Variants in CASK observed in about 807,000 individuals in gnomAD.
CASK encodes peripheral plasma membrane protein CASK.
A neutral mutation model predicts 82.9 loss-of-function variants in CASK; 4 were observed. The ratio of observed to expected loss-of-function variants is 0.05; its 90% CI spans 0.02 to 0.11. The LOEUF is 0.11. CASK is among the 10% of genes least tolerant of loss of function. The pLI is 1.00. For synonymous variants in CASK, 259 were observed against 253.5 expected (o/e 1.02, Z -0.20); for missense variants, 358 against 720.9 (o/e 0.50, Z 5.76).
At chrX:41,776,926 G>A (rs2069375290) in intron 3 of CASK, among the ~76,000 whole-genome samples, 1 of 111,737 alleles carries the variant, frequency 8.9e-6, no homozygotes, top group Admixed American at 9.6e-5. Context: ...TTGTTTTGGT[G>A]GAAATTGACA....
At chrX:41,569,986 C>T (rs1047245138) in intron 15 of CASK, among the ~76,000 whole-genome samples, 4 of 101,349 alleles carry the variant, frequency 3.9e-5, no homozygotes, top group African/African-American at 1.4e-4. Flanking sequence ...TTTTAACACA[C>T]TATTTTCTTT....
At chrX:41,766,046 T>A (rs1302695259) in intron 3 of CASK, among the ~76,000 whole-genome samples, 1 of 112,241 alleles carries the variant, frequency 8.9e-6, no homozygotes, top group Non-Finnish European at 1.9e-5. Context: ...CTATATTTCT[T>A]ATAGCTGTAT....
intron 1 of CASK, among the ~76,000 whole-genome samples, chrX:41,914,615 G>T (rs1465225266): frequency 8.9e-6 from 1 of 112,181 alleles, no homozygotes; most frequent in Non-Finnish European, 1.9e-5. Flanking sequence ...ATAGTAGAAA[G>T]ATATAAGACA....
intron 6 of CASK, among the ~76,000 whole-genome samples, chrX:41,668,747 CTT>C (rs1044375070): frequency 9.5e-6 from 1 of 104,857 alleles, no homozygotes; most frequent in Non-Finnish European, 2.0e-5. Context: ...GAATTTCTTT[CTT>C]TTTTTTTTTG....
chrX:41,527,095 T>C (rs1388333816), intron 25 of CASK, among the ~76,000 whole-genome samples: 1 of 111,271 alleles, frequency 9.0e-6, no homozygotes, highest in African/African-American at 3.3e-5. Context: ...CTCTAAACCC[T>C]CTTCCTTTCT....
intron 2 of CASK, among the ~76,000 whole-genome samples, chrX:41,831,341 A>C (rs1277884639): frequency 3.6e-5 from 4 of 112,044 alleles, no homozygotes; most frequent in African/African-American, 1.3e-4. Flanking sequence ...ATCAATCCAA[A>C]AGTTATTTAA....
intron 1 of CASK, among the ~76,000 whole-genome samples, chrX:41,868,047 C>T (rs1317242031): frequency 1.8e-5 from 2 of 111,943 alleles, no homozygotes; most frequent in African/African-American, 6.5e-5. Flanking sequence ...ACAAAGAAAA[C>T]TTCATGGTTC....
chrX:41,859,455 C>A (rs978932518), intron 1 of CASK, among the ~76,000 whole-genome samples: 1 of 111,954 alleles, frequency 8.9e-6, no homozygotes, highest in Non-Finnish European at 1.9e-5. Flanking sequence ...ATTTGAATCA[C>A]CCAATGTGCA....
At chrX:41,649,328 C>T (rs1056946088) in intron 8 of CASK, among the ~76,000 whole-genome samples, 3 of 111,243 alleles carry the variant, frequency 2.7e-5, no homozygotes, top group Non-Finnish European at 5.7e-5. Context: ...TTCTCTAGTT[C>T]TCTTTCAATT....
intron 15 of CASK, among the ~76,000 whole-genome samples, chrX:41,575,005 A>G (rs776908358): frequency 4.4e-5 from 5 of 112,438 alleles, no homozygotes; most frequent in Middle Eastern, 4.6e-3. Context: ...TTCATTTCCA[A>G]CTTGTACATT....
At chrX:41,900,575 C>T (rs1156255990) in intron 1 of CASK, among the ~76,000 whole-genome samples, 1 of 100,904 alleles carries the variant, frequency 9.9e-6, no homozygotes, top group African/African-American at 3.6e-5. Context: ...CTGTGTTCTT[C>T]AGCTCTAGAA....
In CASK at chrX:41,542,696, T is replaced by C. The variant is rs1477960937; in HGVS notation, c.2150A>G (p.Asn717Ser). 5.9e-6 allele frequency: 7 copies of C among 1,183,665 alleles called. No individual in the cohort carries two copies. The highest frequency in any genetic ancestry group is 6.9e-6 in the Non-Finnish European group (6 of 869,925). The change falls in exon 22 of 27, where the codon AAT becomes AGT. Residue 717 changes from asparagine (N) to serine (S), a missense_variant. Physicochemically the swap from Asn to Ser is conservative, Grantham distance 46. Transcript: ENST00000378163. ...QYKDKYLAKHNAVFDQLDLVT... is the reference protein window; with the variant it reads ...QYKDKYLAKHSAVFDQLDLVT... ...ACAGTTGTGCTTTTCCCTACCTGCA[T>C]TGTGCTTTGCCAAATATTTATCTTT...
chrX:41,670,259 C>A (rs888150794), intron 6 of CASK, among the ~76,000 whole-genome samples: 2 of 111,996 alleles, frequency 1.8e-5, no homozygotes, highest in Non-Finnish European at 3.8e-5. Context: ...TACTACCTGA[C>A]CCTTTGGTCA....
chrX:41,852,372 C>T (rs1365199555), intron 2 of CASK, among the ~76,000 whole-genome samples: 1 of 111,018 alleles, frequency 9.0e-6, no homozygotes, highest in Non-Finnish European at 1.9e-5. Flanking sequence ...AAGAAGGATT[C>T]ATATTTTACT....
At chrX:41,881,475 T>C (rs757473794) in intron 1 of CASK, among the ~76,000 whole-genome samples, 2 of 110,980 alleles carry the variant, frequency 1.8e-5, no homozygotes, top group South Asian at 7.6e-4. Flanking sequence ...AACCTGTCTC[T>C]CCCTCTCTAA....
At chrX:41,636,388 C>T (rs979542383) in intron 9 of CASK, among the ~76,000 whole-genome samples, 190 bp downstream of exon 9, 1 of 111,872 alleles carries the variant, frequency 8.9e-6, no homozygotes, top group Non-Finnish European at 1.9e-5. Context: ...CAGACTCATA[C>T]TGATATACTA....
At chrX:41,854,880 T>A (rs1465451097) in intron 1 of CASK, among the ~76,000 whole-genome samples, 1 of 112,286 alleles carries the variant, frequency 8.9e-6, no homozygotes, top group Non-Finnish European at 1.9e-5. Flanking sequence ...GGGACAAACG[T>A]TTTCATTCTC....
intron 1 of CASK, among the ~76,000 whole-genome samples, chrX:41,888,967 C>A (rs1384547790): frequency 1.8e-5 from 2 of 109,510 alleles, no homozygotes; most frequent in Non-Finnish European, 3.8e-5. Context: ...GTGCAAGTAT[C>A]TTTTTCGTAT....
chrX:41,887,495 T>C lies in CASK; in HGVS notation c.60-34268A>G, dbSNP rs542066424. On this transcript the variant is annotated intron_variant, in intron 1 of 26. Coordinates refer to ENST00000378163, the MANE Select transcript of CASK (RefSeq NM_001367721.1). ...GACATGTCCTAGACATAGAGTGAAA[T>C]GTTAAAACAATGTATGAGGTTGAAG... Among the ~76,000 whole-genome samples, 3 of 111,240 alleles carry C rather than the reference T, an allele frequency of 2.7e-5. No individual in the cohort carries two copies. In the South Asian group the frequency reaches 1.1e-3, roughly 42 times the overall value.
Sources: gnomAD v4.1 joint callset for allele counts (sites outside exome capture counted in the v4.1 genomes callset) on GRCh38, gnomAD v4.1.1 for gene constraint, MANE v1.5 for transcripts, NCBI Gene and HGNC (gene_info 2026-07-23, HGNC 2026-07-21) for gene names.